LRRC20: variants seen among roughly 807,000 people sequenced by gnomAD.
The protein encoded by LRRC20 is leucine-rich repeat-containing protein 20.
LRRC20 carries 11 observed loss-of-function variants against 14.4 expected under a neutral mutation model. The observed-to-expected ratio is 0.77, with a 90% CI of 0.48 to 1.27. The LOEUF is 1.27. Ranked by LOEUF, LRRC20 falls within the 50% of genes most tolerant of loss-of-function variation. The pLI, the probability that LRRC20 is intolerant of heterozygous loss-of-function variation, is 0.00. For missense variants in LRRC20, 219 were observed against 251.2 expected (o/e 0.87, Z 0.87); for synonymous variants, 121 against 107.3 (o/e 1.13, Z -0.79).
At chr10:70,343,564 A>T (rs1193367042) in intron 2 of LRRC20, among the ~76,000 whole-genome samples, 1 of 152,218 alleles carries the variant, frequency 6.6e-6, no homozygotes, top group African/African-American at 2.4e-5. Flanking sequence ...CCAGGGAGGA[A>T]CAAGCTCCCA....
chr10:70,302,836 G>A (rs1175727029), intron 4 of LRRC20, among the ~76,000 whole-genome samples: 3 of 151,574 alleles, frequency 2.0e-5, no homozygotes, highest in Non-Finnish European at 2.9e-5. Flanking sequence ...TCAGCCTCCC[G>A]TGTAGCTGGG....
intron 2 of LRRC20, among the ~76,000 whole-genome samples, chr10:70,342,173 G>T (rs934743491): frequency 6.6e-6 from 1 of 151,978 alleles, no homozygotes; most frequent in East Asian, 1.9e-4. Context: ...AGCTGGGCAT[G>T]GTGGCACATG....
chr10:70,321,031 T>C (rs1842060175), intron 4 of LRRC20, among the ~76,000 whole-genome samples: 1 of 152,188 alleles, frequency 6.6e-6, no homozygotes, highest in Admixed American at 6.5e-5. Flanking sequence ...GGAGGTCCCT[T>C]TAGGGTGGCT....
chr10:70,345,343 A>G (rs937674618), intron 2 of LRRC20, among the ~76,000 whole-genome samples: 2 of 152,182 alleles, frequency 1.3e-5, no homozygotes, highest in African/African-American at 4.8e-5. Flanking sequence ...TACACGTTAA[A>G]TATTTTTAAA....
In LRRC20 at chr10:70,323,851, A is replaced by C. The variant is rs773772738; in HGVS notation, c.400+12T>G. ...GCAGCAGCCCAGGGCCAGGTGGGCC[A>C]GGCCCACTCACCTACGATCTCGTTC... On this transcript the variant is annotated intron_variant, in intron 4 of 4. Transcript: ENST00000446961. 1.2e-6 allele frequency: 2 copies of C among 1,613,798 alleles called. No homozygotes were observed. Among genetic ancestry groups the C allele is most frequent in the African/African-American group, 1.3e-5 (1 of 74,960 alleles).
intron 4 of LRRC20, among the ~76,000 whole-genome samples, chr10:70,302,796 C>T (rs1190579626): frequency 2.0e-5 from 3 of 151,476 alleles, no homozygotes; most frequent in Non-Finnish European, 4.4e-5. Context: ...CTGCAAGCTC[C>T]GCCTCCCAGG....
intron 2 of LRRC20, among the ~76,000 whole-genome samples, chr10:70,354,857 GAGGC>G (rs1843464697): frequency 6.6e-6 from 1 of 152,144 alleles, no homozygotes; most frequent in Non-Finnish European, 1.5e-5. Context: ...CCTCGGTGTG[GAGGC>G]CGCCCTGGGC....
chr10:70,369,605 CAAAAAAAAAAAAAAAAA>C (rs71009298), intron 2 of LRRC20, among the ~76,000 whole-genome samples: 167 of 68,590 alleles, frequency 2.4e-3, no homozygotes, highest in African/African-American at 9.5e-3. Flanking sequence ...GACGCTGTCT[CAAAAAAAAAAAAAAAAA>C]AAAAAAAAAA....
At chr10:70,333,886 A>G (rs1444464620) in intron 3 of LRRC20, among the ~76,000 whole-genome samples, 1 of 152,212 alleles carries the variant, frequency 6.6e-6, no homozygotes, top group Non-Finnish European at 1.5e-5. Flanking sequence ...GCTGTGGCTC[A>G]GGCCTATTAT....
At chr10:70,319,319 T>C (rs1841991574) in intron 4 of LRRC20, among the ~76,000 whole-genome samples, 1 of 152,178 alleles carries the variant, frequency 6.6e-6, no homozygotes, top group East Asian at 1.9e-4. Context: ...TGTTCCAGGA[T>C]TGAATTGCTA....
At chr10:70,375,259 C>T (rs1413766339) in intron 2 of LRRC20, among the ~76,000 whole-genome samples, 3 of 152,322 alleles carry the variant, frequency 2.0e-5, no homozygotes, top group Middle Eastern at 3.4e-3. Flanking sequence ...GCTCAGCAAA[C>T]ACTTCCACAC....
chr10:70,376,251 G>A (rs929216851), intron 2 of LRRC20, among the ~76,000 whole-genome samples: 3 of 152,180 alleles, frequency 2.0e-5, no homozygotes, highest in African/African-American at 7.2e-5. Flanking sequence ...TCACTCAGTG[G>A]TTTTCAAACC....
At chr10:70,314,894 C>T (rs1158404537) in intron 4 of LRRC20, among the ~76,000 whole-genome samples, 1 of 152,108 alleles carries the variant, frequency 6.6e-6, no homozygotes, top group Non-Finnish European at 1.5e-5. Flanking sequence ...TTATGCACTT[C>T]AGCCATAATG....
rs57284629 is a variant in LRRC20, at chr10:70,304,470, T to TTATA, written c.401-2966_401-2963dup. Among the ~76,000 whole-genome samples, 560 of 113,748 alleles carry TTATA rather than the reference T, an allele frequency of 4.9e-3. 9 individuals are homozygous for TTATA. The highest frequency in any genetic ancestry group is 0.011 in the African/African-American group (367 of 33,380). The allele number at this position is 113,748 out of a possible 152,430, so 74.6% of individuals were successfully genotyped here. A position where few individuals can be genotyped will look rare whatever the true frequency, so the allele number is the denominator to read the frequency against. On this transcript the variant is annotated intron_variant, in intron 4 of 4. Coordinates refer to ENST00000446961, the MANE Select transcript of LRRC20 (RefSeq NM_001278212.2). Reference sequence around the variant, plus strand: ...GCTATATAGATATCAGGCCACTTCTTTATATATATATATATATATATATAT... The same window carrying TTATA: ...GCTATATAGATATCAGGCCACTTCTTTATATATATATATATATATATATATATAT...
At chr10:70,353,565 G>GCA (rs1843405001) in intron 2 of LRRC20, among the ~76,000 whole-genome samples, 1 of 152,068 alleles carries the variant, frequency 6.6e-6, no homozygotes, top group Non-Finnish European at 1.5e-5. Context: ...CTACAGGCAT[G>GCA]CACCACCACG....
intron 2 of LRRC20, among the ~76,000 whole-genome samples, chr10:70,352,459 C>A (rs1424759036): frequency 6.6e-6 from 1 of 152,138 alleles, no homozygotes; most frequent in Non-Finnish European, 1.5e-5. Flanking sequence ...GCAGGCAGAG[C>A]ACAGAGGATT....
intron 4 of LRRC20, among the ~76,000 whole-genome samples, chr10:70,302,250 T>C (rs1841221344): frequency 6.6e-6 from 1 of 151,816 alleles, no homozygotes; most frequent in African/African-American, 2.4e-5. Flanking sequence ...GAGGCGGAGG[T>C]TGCAGTGAGG....
intron 3 of LRRC20, among the ~76,000 whole-genome samples, chr10:70,332,231 G>A (rs1395885216): frequency 6.6e-6 from 1 of 152,200 alleles, no homozygotes; most frequent in African/African-American, 2.4e-5. Context: ...GGGGTCAGAG[G>A]GCATTTCCAG....
chr10:70,308,846 C>A (rs940662152), intron 4 of LRRC20, among the ~76,000 whole-genome samples: 1 of 152,210 alleles, frequency 6.6e-6, no homozygotes, highest in African/African-American at 2.4e-5. Context: ...TCACCTCCTT[C>A]GCTTTCTCTG....
Sources: allele counts gnomAD v4.1 joint callset (sites outside exome capture counted in the v4.1 genomes callset), GRCh38; gene constraint gnomAD v4.1.1; transcripts MANE v1.5; gene names NCBI Gene and HGNC (gene_info 2026-07-23, HGNC 2026-07-21).